Variants in C1orf21 observed in about 807,000 individuals in gnomAD.
C1orf21 encodes the protein uncharacterized protein C1orf21.
In C1orf21, 3 loss-of-function variants were observed where a neutral mutation model predicts 18.7. The observed-to-expected ratio is 0.16, with a 90% confidence interval of 0.07 to 0.42. The LOEUF is 0.42. C1orf21 is among the 10% of genes least tolerant of loss of function. C1orf21 has a pLI of 0.99. For synonymous variants in C1orf21, 41 were observed against 46.4 expected (o/e 0.88, Z 0.47); for missense variants, 104 against 143.6 (o/e 0.72, Z 1.41).
At chr1:184,488,516 A>C (rs745714846) in intron 2 of C1orf21, among the ~76,000 whole-genome samples, 1 of 152,252 alleles carries the variant, frequency 6.6e-6, no homozygotes, top group Admixed American at 6.5e-5. Flanking sequence ...AGCTGAAATA[A>C]AAAGATATAC....
chr1:184,503,049 G>A (rs1658001079), intron 2 of C1orf21, among the ~76,000 whole-genome samples: 1 of 131,340 alleles, frequency 7.6e-6, no homozygotes, highest in African/African-American at 3.1e-5. Flanking sequence ...TTGCACTCCA[G>A]CCTGGGTGAC....
At chr1:184,482,673 CAA>C (rs2101992801) in intron 2 of C1orf21, among the ~76,000 whole-genome samples, 1 of 152,270 alleles carries the variant, frequency 6.6e-6, no homozygotes, top group South Asian at 2.1e-4. Flanking sequence ...GAAGATGTGA[CAA>C]AGTCTGTGAA....
chr1:184,538,184 G>T (rs1193452018), intron 3 of C1orf21, among the ~76,000 whole-genome samples: 1 of 152,120 alleles, frequency 6.6e-6, no homozygotes, highest in South Asian at 2.1e-4. Flanking sequence ...GTAATTCATT[G>T]TAGTTTCAAA....
At chr1:184,513,620 C>G (rs555579681) in intron 3 of C1orf21, among the ~76,000 whole-genome samples, 2 of 152,370 alleles carry the variant, frequency 1.3e-5, no homozygotes, top group South Asian at 2.1e-4. Flanking sequence ...TAGAACACCT[C>G]TATGCATTTG....
At chr1:184,448,928 C>T (rs566199531) in intron 1 of C1orf21, among the ~76,000 whole-genome samples, 31 of 152,260 alleles carry the variant, frequency 2.0e-4, no homozygotes, top group African/African-American at 7.5e-4. Flanking sequence ...TGAAATAATA[C>T]ACTTTCTTCC....
In C1orf21 at chr1:184,623,070, CAG is replaced by C. The variant is rs1458043826; in HGVS notation, c.*3518_*3519del. The C allele has an allele frequency of 6.6e-6, 1 of 152,236 alleles. No homozygotes were observed. The highest frequency in any genetic ancestry group is 2.4e-5 in the African/African-American group (1 of 41,454). 9.4% of individuals were successfully genotyped at this position (152,236 alleles called of 1,614,324 possible). ...ACTCTTCCATAAGCCTGCTAAAAAA[CAG>C]AGATGATACCTCTTACAAACTTTAC... On this transcript the variant is annotated 3_prime_UTR_variant, in exon 6 of 6. Coordinates refer to ENST00000235307, the MANE Select transcript of C1orf21 (RefSeq NM_030806.4).
At chr1:184,546,374 G>T (rs1161829348) in intron 3 of C1orf21, among the ~76,000 whole-genome samples, 1 of 152,356 alleles carries the variant, frequency 6.6e-6, no homozygotes, top group South Asian at 2.1e-4. Flanking sequence ...GGCAGAGGCT[G>T]CAGTGAGCCG....
intron 2 of C1orf21, 55 bp from the exon 3 acceptor site, chr1:184,507,533 T>G (rs1658081771): frequency 6.9e-7 from 1 of 1,458,346 alleles, no homozygotes; most frequent in Non-Finnish European, 9.3e-7. Flanking sequence ...TGACTGACAC[T>G]TTTCTACTAT....
chr1:184,565,748 T>G (rs984750980), intron 3 of C1orf21, among the ~76,000 whole-genome samples: 3 of 152,240 alleles, frequency 2.0e-5, no homozygotes, highest in Non-Finnish European at 2.9e-5. Context: ...TACACATTAT[T>G]AAAGTCCTGC....
intron 1 of C1orf21, among the ~76,000 whole-genome samples, chr1:184,471,051 A>G (rs1302119010): frequency 6.6e-6 from 1 of 152,138 alleles, no homozygotes; most frequent in Non-Finnish European, 1.5e-5. Context: ...CCTTCTCAGA[A>G]ATAGTGTCAG....
chr1:184,531,275 A>T (rs551756211), intron 3 of C1orf21, among the ~76,000 whole-genome samples: 1 of 151,268 alleles, frequency 6.6e-6, no homozygotes, highest in African/African-American at 2.4e-5. Context: ...CTTCTTAGAG[A>T]CTCCCATTGC....
chr1:184,406,110 T>TA (rs1257597607), intron 1 of C1orf21, among the ~76,000 whole-genome samples: 1 of 152,252 alleles, frequency 6.6e-6, no homozygotes, highest in African/African-American at 2.4e-5. Context: ...TGTGTGAAGA[T>TA]AAAATCTCTT....
intron 1 of C1orf21, among the ~76,000 whole-genome samples, chr1:184,422,754 T>C (rs1656565683): frequency 6.6e-6 from 1 of 152,242 alleles, no homozygotes; most frequent in Non-Finnish European, 1.5e-5. Context: ...CATATCTCTC[T>C]GAGAGCATTG....
At chr1:184,432,496 A>G (rs985800631) in intron 1 of C1orf21, among the ~76,000 whole-genome samples, 5 of 152,144 alleles carry the variant, frequency 3.3e-5, no homozygotes, top group Admixed American at 6.5e-5. Flanking sequence ...AGAGAGGGGA[A>G]TATCACACGC....
chr1:184,519,866 G>A (rs1211088698), intron 3 of C1orf21, among the ~76,000 whole-genome samples: 2 of 152,032 alleles, frequency 1.3e-5, no homozygotes, highest in African/African-American at 2.4e-5. Context: ...CAGTATTAAC[G>A]GAGATACAGG....
chr1:184,460,650 TTCTTCTTCTTC>T (rs1657291062), intron 1 of C1orf21, among the ~76,000 whole-genome samples: 1 of 148,026 alleles, frequency 6.8e-6, no homozygotes, highest in Non-Finnish European at 1.5e-5. Context: ...CTTCTTCTTC[TTCTTCTTCTTC>T]TTCTTCTTCT....
At chr1:184,404,966 T>C (rs748903276) in intron 1 of C1orf21, among the ~76,000 whole-genome samples, 2 of 152,286 alleles carry the variant, frequency 1.3e-5, no homozygotes, top group South Asian at 2.1e-4. Context: ...ACCCTGGACA[T>C]TAAAACCTTT....
intron 3 of C1orf21, among the ~76,000 whole-genome samples, chr1:184,579,677 AT>A (rs1659249915): frequency 6.6e-6 from 1 of 150,830 alleles, no homozygotes; most frequent in Admixed American, 6.6e-5. Flanking sequence ...CACCTGGCTA[AT>A]TTTTGTATTT....
In C1orf21 at chr1:184,619,584, C is replaced by A. The variant is rs1659884151; in HGVS notation, c.*28C>A. On this transcript the variant is annotated 3_prime_UTR_variant, in exon 6 of 6. Transcript: ENST00000235307. ...CCAATTTTACCACTCAAACCAGGAG[C>A]TACTACTGTGTAAATAGGTTACACC... 3.7e-6 allele frequency: 6 copies of A among 1,609,306 alleles called. No individual in the cohort carries two copies. The highest frequency in any genetic ancestry group is 3.4e-5 in the Admixed American group (2 of 59,336).
Sources: gnomAD v4.1 joint callset for allele counts (sites outside exome capture counted in the v4.1 genomes callset) on GRCh38, gnomAD v4.1.1 for gene constraint, MANE v1.5 for transcripts, NCBI Gene and HGNC (gene_info 2026-07-23, HGNC 2026-07-21) for gene names.